Variants in MAST4 observed in about 807,000 individuals in gnomAD.
MAST4 encodes the protein microtubule-associated serine/threonine-protein kinase 4.
Under a neutral mutation model 162.7 loss-of-function variants are expected in MAST4, and 89 were observed. The ratio of observed to expected loss-of-function variants is 0.55; its 90% CI spans 0.46 to 0.65. The LOEUF (loss-of-function observed/expected upper bound fraction) is 0.65. Ranked by LOEUF, MAST4 falls within the 30% of genes least tolerant of loss-of-function variation. The probability of loss-of-function intolerance (pLI) is 0.00; values close to 1 mark genes in which losing one functional copy is unlikely to be tolerated. For missense variants in MAST4, 3,153 were observed against 3,374.0 expected, an observed-to-expected ratio of 0.93 and a Z score of 1.62; for synonymous variants, 1,479 against 1,361.1, an observed-to-expected ratio of 1.09 and a Z score of -1.91.
rs750459556 is a variant in MAST4, at chr5:67,166,731, A to T, written c.7552A>T (p.Ser2518Cys). Residue 2518 changes from serine (S) to cysteine (C), a missense_variant, in exon 29 of 29, where the codon AGT becomes TGT. Physicochemically the swap from Ser to Cys is moderately radical, Grantham distance 112. Coordinates refer to ENST00000403625, the MANE Select transcript of MAST4 (RefSeq NM_001164664.2). Reference protein sequence around the residue: ...AGEGRTHMTKSDSLPSFRVST... With the variant: ...AGEGRTHMTKCDSLPSFRVST... ...GGAGGGCCGAACCCACATGACAAAGAGTGACTCCCTGCCCTCCTTCCGGGT... is the reference window on the plus strand; with the variant it reads ...GGAGGGCCGAACCCACATGACAAAGTGTGACTCCCTGCCCTCCTTCCGGGT... 1.4e-5 allele frequency: 23 copies of T among 1,590,862 alleles called. No homozygotes were observed. In the South Asian group the frequency reaches 2.3e-4, roughly 16 times the overall value.
intron 3 of MAST4, among the ~76,000 whole-genome samples, chr5:66,799,601 C>A: frequency 6.6e-6 from 1 of 152,182 alleles, no homozygotes; most frequent in South Asian, 2.1e-4. Context: ...GAGAGCTCTG[C>A]TTTTGAATAT....
intron 2 of MAST4, among the ~76,000 whole-genome samples, chr5:66,771,167 A>G (rs988563488): frequency 1.3e-5 from 2 of 151,736 alleles, no homozygotes; most frequent in African/African-American, 2.4e-5. Flanking sequence ...GTGTGTAAAT[A>G]TATTTCTTTC....
intron 1 of MAST4, among the ~76,000 whole-genome samples, chr5:66,686,285 CAGTA>C (rs1475693237): frequency 2.6e-5 from 4 of 152,160 alleles, no homozygotes; most frequent in Admixed American, 2.0e-4. Context: ...GTACCCAGCA[CAGTA>C]ATCTGTTTAA....
rs6149054 is a variant in MAST4 at position 67,069,287 on chromosome 5, G to GATATATATATATATATATATAT, written c.763+14799_763+14820dup. ...CCTTTTCTGTTAAAGGAGGAGATTG[G>GATATATATATATATATATATAT]ATATATATATATATATATATATATA... On this transcript the variant is annotated intron_variant, in intron 5 of 28. Transcript: ENST00000403625. Among the ~76,000 whole-genome samples the GATATATATATATATATATATAT allele has an allele frequency of 7.9e-3, 845 of 107,324 alleles. 49 individuals carry two copies. Among genetic ancestry groups the GATATATATATATATATATATAT allele is most frequent in the African/African-American group, 0.029 (695 of 24,210 alleles). 70.4% of individuals were successfully genotyped at this position (107,324 alleles called of 152,430 possible). A position where few individuals can be genotyped will look rare whatever the true frequency, so the allele number is the denominator to read the frequency against.
At chr5:66,711,602 A>G (rs1750498913) in intron 1 of MAST4, among the ~76,000 whole-genome samples, 1 of 152,204 alleles carries the variant, frequency 6.6e-6, no homozygotes, top group South Asian at 2.1e-4. Context: ...TGGGAGGCCA[A>G]GGCAGGTGGA....
intron 1 of MAST4, among the ~76,000 whole-genome samples, chr5:66,631,393 A>T (rs979136387): frequency 6.6e-6 from 1 of 152,106 alleles, no homozygotes; most frequent in Non-Finnish European, 1.5e-5. Flanking sequence ...TGGAGTTTCT[A>T]TGTTTTGTGT....
intron 4 of MAST4, among the ~76,000 whole-genome samples, chr5:67,014,143 C>T (rs1158715015): frequency 1.3e-5 from 2 of 151,860 alleles, no homozygotes; most frequent in African/African-American, 2.4e-5. Context: ...TTAACTATTC[C>T]CTATCCTAGT....
intron 3 of MAST4, among the ~76,000 whole-genome samples, chr5:66,833,873 T>A (rs1321775646): frequency 6.6e-6 from 1 of 152,196 alleles, no homozygotes; most frequent in Non-Finnish European, 1.5e-5. Flanking sequence ...TGGAGTCAGA[T>A]ATGTGTTCAG....
chr5:66,952,855 T>C (rs1430615413), intron 4 of MAST4, among the ~76,000 whole-genome samples: 1 of 152,208 alleles, frequency 6.6e-6, no homozygotes, highest in Non-Finnish European at 1.5e-5. Flanking sequence ...CTAAAGATAC[T>C]GTCTGTTCCC....
At chr5:67,102,237 G>A (rs1765108517) in intron 8 of MAST4, among the ~76,000 whole-genome samples, 1 of 152,052 alleles carries the variant, frequency 6.6e-6, no homozygotes, top group Non-Finnish European at 1.5e-5. Context: ...CATACTACAT[G>A]CAGAATATAA....
intron 1 of MAST4, among the ~76,000 whole-genome samples, chr5:66,634,054 C>T (rs1395258867): frequency 2.0e-5 from 3 of 151,972 alleles, no homozygotes; most frequent in Non-Finnish European, 2.9e-5. Flanking sequence ...TTGTTTTTTT[C>T]TTCTTTTCCA....
intron 4 of MAST4, among the ~76,000 whole-genome samples, chr5:66,901,067 C>G (rs1271329035): frequency 6.6e-6 from 1 of 152,114 alleles, no homozygotes; most frequent in Non-Finnish European, 1.5e-5. Flanking sequence ...CTTTCCTCTT[C>G]TGCATCATGA....
chr5:67,075,058 A>G (rs1761452031), intron 5 of MAST4, among the ~76,000 whole-genome samples: 1 of 151,848 alleles, frequency 6.6e-6, no homozygotes, highest in African/African-American at 2.4e-5. Flanking sequence ...AGTCAGCCCC[A>G]TGGTAGTGCT....
At chr5:66,937,714 C>T (rs1742911250) in intron 4 of MAST4, among the ~76,000 whole-genome samples, 1 of 151,910 alleles carries the variant, frequency 6.6e-6, no homozygotes, top group Non-Finnish European at 1.5e-5. Flanking sequence ...GGTTGAGGTT[C>T]TCCCTTCATG....
chr5:67,099,640 G>A (rs960019734), intron 7 of MAST4, among the ~76,000 whole-genome samples: 1 of 152,106 alleles, frequency 6.6e-6, no homozygotes, highest in Non-Finnish European at 1.5e-5. Context: ...ACCTCTGACT[G>A]AAAATGAAAA....
intron 1 of MAST4, among the ~76,000 whole-genome samples, chr5:66,715,670 TAATAATAA>T (rs1750786205): frequency 9.1e-6 from 1 of 110,028 alleles, no homozygotes; most frequent in Admixed American, 1.1e-4. Flanking sequence ...TAAAGTATAA[TAATAATAA>T]AATAAAAATT....
At chr5:66,827,485 A>C (rs1757323498) in intron 3 of MAST4, among the ~76,000 whole-genome samples, 1 of 152,218 alleles carries the variant, frequency 6.6e-6, no homozygotes. Context: ...TAGATTCATA[A>C]ATCCCTGAGC....
chr5:66,685,166 G>T (rs1165259545), intron 1 of MAST4, among the ~76,000 whole-genome samples: 1 of 152,110 alleles, frequency 6.6e-6, no homozygotes, highest in Non-Finnish European at 1.5e-5. Context: ...GGGAGGCTGA[G>T]GTGGGAGGAT....
At chr5:66,613,843 T>G (rs111309507) in intron 1 of MAST4, among the ~76,000 whole-genome samples, 1,807 of 152,268 alleles carry the variant, frequency 0.012, 30 homozygotes, top group African/African-American at 0.041. Context: ...CAAAAAAAAC[T>G]TCTGGATTTT....
Sources: allele counts gnomAD v4.1 joint callset (sites outside exome capture counted in the v4.1 genomes callset), GRCh38; gene constraint gnomAD v4.1.1; transcripts MANE v1.5; gene names NCBI Gene and HGNC (gene_info 2026-07-23, HGNC 2026-07-21).